DOLK: variants seen among roughly 807,000 people sequenced by gnomAD.
The protein encoded by DOLK is SEC59 homolog.
Under a neutral mutation model 31.7 loss-of-function variants are expected in DOLK, and 20 were observed. The ratio of observed to expected loss-of-function variants is 0.63; its 90% CI spans 0.44 to 0.92. The LOEUF is 0.92. Among genes scored for constraint, DOLK ranks in the 40% least tolerant of loss-of-function variants. The pLI is 0.00. For missense variants in DOLK, 594 were observed against 680.7 expected, an observed-to-expected ratio of 0.87 and a Z score of 1.42; for synonymous variants, 309 against 287.0, an observed-to-expected ratio of 1.08 and a Z score of -0.77.
rs776924458 is a variant in DOLK at position 128,946,566 on chromosome 9, G to A, written c.738C>T (p.Val246=). 1.2e-6 allele frequency: 2 copies of A among 1,613,966 alleles called. No individual in the cohort carries two copies. The highest frequency in any genetic ancestry group is 2.7e-5 in the African/African-American group (2 of 74,886). The stretch of plus-strand genomic sequence containing the variant: ...AGGCCCAGGTGCCTGAGTCCATGAA[G>A]ACAAACAGAGTGCTGAAGAAAATGC... ...LMGIFFSTLF[V]FMDSGTWASS... is the part of the protein sequence containing the mutation. Residue 246 remains valine, a synonymous_variant, in exon 1 of 1, where the codon GTC becomes GTT. Transcript: ENST00000372586.
chr9:128,945,704 T>C lies in DOLK; in HGVS notation c.1600A>G (p.Ile534Val). 1.9e-6 allele frequency: 3 copies of C among 1,614,018 alleles called. No homozygotes were observed. Among genetic ancestry groups the C allele is most frequent in the Admixed American group, 3.3e-5 (2 of 59,996 alleles). ...TGTAACAGCTAGGCCATCAGCAATA[T>C]CAGGAGGTAGAGAGGCAGAAGGAGA... ...DNLLLPLYLL[I>V]LLMA Residue 534 changes from isoleucine to valine, a missense_variant, in exon 1 of 1, where the codon ATA (isoleucine) becomes GTA (valine). By Grantham distance (29) the Ile-to-Val change is conservative. Coordinates refer to ENST00000372586, the MANE Select transcript of DOLK (RefSeq NM_014908.4).
In DOLK at chr9:128,947,205, G is replaced by C; in HGVS notation, c.99C>G (p.Ser33Arg). 3.7e-6 allele frequency: 6 copies of C among 1,612,968 alleles called. No homozygotes were observed. The highest frequency in any genetic ancestry group is 5.1e-6 in the Non-Finnish European group (6 of 1,180,006). Residue 33 changes from serine to arginine, a missense_variant, in exon 1 of 1, where the codon AGC becomes AGG. Physicochemically the swap from Ser to Arg is moderately radical, Grantham distance 110. Coordinates refer to ENST00000372586, the MANE Select transcript of DOLK (RefSeq NM_014908.4). ...ATCGGTCCCATACGGTTGCGTGGAT[G>C]CTCAGCACCACTGCAAACACTACTG... is the stretch of plus-strand genomic sequence containing the variant. ...EAAVVFAVVL[S>R]IHATVWDRYS... is the part of the protein sequence containing the mutation.
chr9:128,945,582 T>C lies in DOLK; in HGVS notation c.*105A>G, dbSNP rs527460417. On this transcript the variant is annotated 3_prime_UTR_variant, in exon 1 of 1. Coordinates refer to ENST00000372586, the MANE Select transcript of DOLK (RefSeq NM_014908.4). The stretch of plus-strand genomic sequence containing the variant: ...TCTGAATCAACTGAAAAATCAAATC[T>C]GCTTTTCACACCTTGGCTCTTCATG... 69 of 1,375,824 alleles carry C rather than the reference T, an allele frequency of 5.0e-5. No individual in the cohort carries two copies. The African/African-American group carries it at 8.5e-4, about 17-fold the overall frequency. The allele number at this position is 1,375,824 out of a possible 1,614,324, so 85.2% of individuals were successfully genotyped here.
rs906514902 is a variant in DOLK at position 128,945,558 on chromosome 9, C to A, written c.*129G>T. ...GAGAGCTTTGCTTTTTATTTTAAAT[C>A]TGAATCAACTGAAAAATCAAATCTG... On this transcript the variant is annotated 3_prime_UTR_variant, in exon 1 of 1. Coordinates refer to ENST00000372586, the MANE Select transcript of DOLK (RefSeq NM_014908.4). 4 of 1,158,792 alleles carry A rather than the reference C, an allele frequency of 3.5e-6. No individual in the cohort carries two copies. Among genetic ancestry groups the A allele is most frequent in the Admixed American group, 1.7e-5 (1 of 57,244 alleles). 71.8% of individuals were successfully genotyped at this position (1,158,792 alleles called of 1,614,324 possible). A position where few individuals can be genotyped will look rare whatever the true frequency, so the allele number is the denominator to read the frequency against.
Position 128,946,074 on chromosome 9 carries a change from G to T in DOLK, c.1230C>A (p.Tyr410Ter). The T allele has an allele frequency of 6.2e-7, 1 of 1,614,158 alleles. No individual in the cohort carries two copies. Among genetic ancestry groups the T allele is most frequent in the South Asian group, 1.1e-5 (1 of 91,090 alleles). ...DSGPLILTHI[Y>*]LLLGMSLPIW... is the part of the protein sequence containing the mutation. ...TGGGAAGAGACATGCCCAGGAGCAG[G>T]TAGATGTGTGTCAGAATGAGTGGTC... The change falls in exon 1 of 1, where the codon TAC becomes TAA. Residue 410 changes from tyrosine (Y) to a stop codon, truncating the protein, a stop_gained. Transcript: ENST00000372586. LOFTEE classifies it high-confidence loss of function.
At position 128,945,992 on chromosome 9, in the gene DOLK, G is replaced by A. The variant is rs112448460; in HGVS notation, c.1312C>T (p.Leu438Phe). 3.7e-6 allele frequency: 6 copies of A among 1,614,194 alleles called. No individual in the cohort carries two copies. Among genetic ancestry groups the A allele is most frequent in the Non-Finnish European group, 8.5e-7 (1 of 1,180,040 alleles). Reference protein sequence around the residue: ...QKGSLGGARALVPYAGVLAVG... With the variant: ...QKGSLGGARAFVPYAGVLAVG... Reference sequence around the variant, plus strand: ...GCCAGGACACCGGCATAGGGGACGAGGGCCCTGGCTCCTCCCAGGCTACCC... The same window carrying A: ...GCCAGGACACCGGCATAGGGGACGAAGGCCCTGGCTCCTCCCAGGCTACCC... The change falls in exon 1 of 1, where the codon CTC becomes TTC. Residue 438 changes from leucine (L) to phenylalanine (F), a missense_variant. Transcript: ENST00000372586.
chr9:128,947,422 CGT>C lies in DOLK; in HGVS notation c.-121_-120del. 7.6e-7 allele frequency: 1 copy of C among 1,322,834 alleles called. No individual in the cohort carries two copies. The highest frequency in any genetic ancestry group is 1.1e-6 in the Non-Finnish European group (1 of 939,626). 81.9% of individuals were successfully genotyped at this position (1,322,834 alleles called of 1,614,324 possible). A position where few individuals can be genotyped will look rare whatever the true frequency, so the allele number is the denominator to read the frequency against. On this transcript the variant is annotated 5_prime_UTR_variant, in exon 1 of 1. Transcript: ENST00000372586. Reference sequence around the variant, plus strand: ...CACCCGGCCAGCAACCTTCTCCCTCCGTTCTCCAGCAGCGAGGAGGGAACTCC... The same window carrying C: ...CACCCGGCCAGCAACCTTCTCCCTCCTCTCCAGCAGCGAGGAGGGAACTCC...
rs1841684203 is a variant in DOLK, at chr9:128,947,011, C to T, written c.293G>A (p.Arg98Gln). 1.2e-6 allele frequency: 2 copies of T among 1,611,008 alleles called. No individual in the cohort carries two copies. The highest frequency in any genetic ancestry group is 1.7e-6 in the Non-Finnish European group (2 of 1,179,914). ...MPLLGLVMKE[R>Q]CQTAGNPFFE... ...GAACGGGTTCCCAGCAGTCTGGCAC[C>T]GCTCCTTCATGACTAGTCCAAGCAA... Residue 98 changes from arginine (R) to glutamine (Q), a missense_variant, in exon 1 of 1, where the codon CGG (arginine) becomes CAG (glutamine). Arg to Gln is a conservative substitution (Grantham distance 43). Coordinates refer to ENST00000372586, the MANE Select transcript of DOLK (RefSeq NM_014908.4).
In DOLK at chr9:128,946,773, G is replaced by A; in HGVS notation, c.531C>T (p.Leu177=). The A allele has an allele frequency of 6.2e-7, 1 of 1,613,978 alleles. No homozygotes were observed. The highest frequency in any genetic ancestry group is 1.1e-5 in the South Asian group (1 of 91,080). ...VLEVLLIFVY[L]NMILLYLLPR... The stretch of plus-strand genomic sequence containing the variant: ...GCAGCAGGTACAGCAGGATCATGTT[G>A]AGATAAACGAAGATCAGAAGGACTT... Residue 177 remains leucine, a synonymous_variant, in exon 1 of 1, where the codon CTC becomes CTT. Transcript: ENST00000372586.
rs1841645526 is a variant in DOLK, at chr9:128,945,567, C to T, written c.*120G>A. ...GCTTTTTATTTTAAATCTGAATCAA[C>T]TGAAAAATCAAATCTGCTTTTCACA... On this transcript the variant is annotated 3_prime_UTR_variant, in exon 1 of 1. Transcript: ENST00000372586. 8.1e-7 allele frequency: 1 copy of T among 1,238,396 alleles called. No homozygotes were observed. The highest frequency in any genetic ancestry group is 1.7e-5 in the Admixed American group (1 of 58,740). The allele number at this position is 1,238,396 out of a possible 1,614,324, so 76.7% of individuals were successfully genotyped here.
rs749036775 is a variant in DOLK at position 128,946,645 on chromosome 9, C to A, written c.659G>T (p.Gly220Val). 1 of 1,614,074 alleles carries A rather than the reference C, an allele frequency of 6.2e-7. No homozygotes were observed. Among genetic ancestry groups the A allele is most frequent in the Non-Finnish European group, 8.5e-7 (1 of 1,180,010 alleles). ...CAGCAGGAAGAAGTCCACTGGGTCC[C>A]CCTGACTTTCCACCAGTGTCAGAGA... is the stretch of plus-strand genomic sequence containing the variant. ...KRSLTLVESQ[G>V]DPVDFFLLVV... The change falls in exon 1 of 1, where the codon GGG (glycine) becomes GTG (valine). Residue 220 changes from glycine (G) to valine (V), a missense_variant. Physicochemically the swap from Gly to Val is moderately radical, Grantham distance 109. Transcript: ENST00000372586.
In DOLK at chr9:128,945,940, G is replaced by C; in HGVS notation, c.1364C>G (p.Ser455Cys). The change falls in exon 1 of 1, where the codon TCC becomes TGC. Residue 455 changes from serine (S) to cysteine (C), a missense_variant. By Grantham distance (112) the Ser-to-Cys change is moderately radical. Coordinates refer to ENST00000372586, the MANE Select transcript of DOLK (RefSeq NM_014908.4). ...CTCCCCCATGGTGCTACCGAAGATGGAGGCCACAGTATCACCCACACCCAC... is the reference window on the plus strand; with the variant it reads ...CTCCCCCATGGTGCTACCGAAGATGCAGGCCACAGTATCACCCACACCCAC... ...LAVGVGDTVA[S>C]IFGSTMGEIR... 1 of 1,614,192 alleles carries C rather than the reference G, an allele frequency of 6.2e-7. No individual in the cohort carries two copies. Among genetic ancestry groups the C allele is most frequent in the Non-Finnish European group, 8.5e-7 (1 of 1,180,044 alleles).
chr9:128,947,430 A>C lies in DOLK; in HGVS notation c.-127T>G. ...CAGCAACCTTCTCCCTCCGTTCTCC[A>C]GCAGCGAGGAGGGAACTCCACCGCA... On this transcript the variant is annotated 5_prime_UTR_variant, in exon 1 of 1. Coordinates refer to ENST00000372586, the MANE Select transcript of DOLK (RefSeq NM_014908.4). The C allele has an allele frequency of 7.9e-7, 1 of 1,261,698 alleles. No homozygotes were observed. The highest frequency in any genetic ancestry group is 2.5e-5 in the East Asian group (1 of 39,654). The allele number at this position is 1,261,698 out of a possible 1,614,324, so 78.2% of individuals were successfully genotyped here.
In DOLK at chr9:128,947,060, A is replaced by G. The variant is rs1588262895; in HGVS notation, c.244T>C (p.Leu82=). The change falls in exon 1 of 1, where the codon TTG becomes CTG. Residue 82 remains leucine, a synonymous_variant. Transcript: ENST00000372586. ...AAAGGCATGACCATGGAGGCGGGCA[A>G]TAGGCCACTGTTTGCGGACATTCGG... ...QFRMSANSGL[L]PASMVMPLLG... The G allele has an allele frequency of 1.2e-6, 2 of 1,613,864 alleles. No individual in the cohort carries two copies. The highest frequency in any genetic ancestry group is 1.1e-5 in the South Asian group (1 of 91,080).
rs531714647 is a variant in DOLK, at chr9:128,946,380, G to A, written c.924C>T (p.Ala308=). ...ACAGCACCACCAGGCAGGCCAAGGT[G>A]GCCAGCAGAGACCAATAGGCTAGGA... ...IYLLAYWSLL[A]TLACLVVLYQ... is the part of the protein sequence containing the mutation. Residue 308 remains alanine, a synonymous_variant, in exon 1 of 1, where the codon GCC becomes GCT. Coordinates refer to ENST00000372586, the MANE Select transcript of DOLK (RefSeq NM_014908.4). 25 of 1,614,096 alleles carry A rather than the reference G, an allele frequency of 1.5e-5. No individual in the cohort carries two copies. The East Asian group carries it at 5.1e-4, about 33-fold the overall frequency.
Position 128,945,765 on chromosome 9 carries a change from C to G in DOLK, c.1539G>C (p.Val513=), listed in dbSNP as rs752312814. 6.2e-7 allele frequency: 1 copy of G among 1,614,198 alleles called. No homozygotes were observed. Among genetic ancestry groups the G allele is most frequent in the Non-Finnish European group, 8.5e-7 (1 of 1,180,046 alleles). ...YAWILGSIST[V]SLLEAYTTQI... Reference sequence around the variant, plus strand: ...GTGTAGTGTATGCTTCCAGGAGGGACACAGTGCTGATGGACCCCAAAATCC... The same window carrying G: ...GTGTAGTGTATGCTTCCAGGAGGGAGACAGTGCTGATGGACCCCAAAATCC... Residue 513 remains valine, a synonymous_variant, in exon 1 of 1, where the codon GTG becomes GTC. Transcript: ENST00000372586.
rs1172074842 is a variant in DOLK at position 128,946,334 on chromosome 9, A to G, written c.970T>C (p.Ser324Pro). Residue 324 changes from serine (S) to proline (P), a missense_variant, in exon 1 of 1, where the codon TCT (serine) becomes CCT (proline). Physicochemically the swap from Ser to Pro is moderately conservative, Grantham distance 74 (BLOSUM62 -1). Coordinates refer to ENST00000372586, the MANE Select transcript of DOLK (RefSeq NM_014908.4). The stretch of plus-strand genomic sequence containing the variant: ...GCCTGGTGCTTCTTGGACTCGGAAG[A>G]TGACCGCTTGGCATTCTGGTACAGC... ...VVLYQNAKRS[S>P]SESKKHQAPT... is the part of the protein sequence containing the mutation. The G allele has an allele frequency of 6.2e-7, 1 of 1,614,090 alleles. No individual in the cohort carries two copies. Among genetic ancestry groups the G allele is most frequent in the Admixed American group, 1.7e-5 (1 of 60,010 alleles).
Position 128,947,421 on chromosome 9 carries a change from C to G in DOLK, c.-118G>C, listed in dbSNP as rs1841694968. On this transcript the variant is annotated 5_prime_UTR_variant, in exon 1 of 1. Coordinates refer to ENST00000372586, the MANE Select transcript of DOLK (RefSeq NM_014908.4). ...TCACCCGGCCAGCAACCTTCTCCCTCCGTTCTCCAGCAGCGAGGAGGGAAC... is the reference window on the plus strand; with the variant it reads ...TCACCCGGCCAGCAACCTTCTCCCTGCGTTCTCCAGCAGCGAGGAGGGAAC... 3.7e-6 allele frequency: 5 copies of G among 1,340,346 alleles called. No individual in the cohort carries two copies. Among genetic ancestry groups the G allele is most frequent in the African/African-American group, 1.4e-5 (1 of 69,066 alleles). 83.0% of individuals were successfully genotyped at this position (1,340,346 alleles called of 1,614,324 possible). A position where few individuals can be genotyped will look rare whatever the true frequency, so the allele number is the denominator to read the frequency against.
At position 128,946,395 on chromosome 9, in the gene DOLK, A is replaced by G. The variant is rs1244007975; in HGVS notation, c.909T>C (p.Tyr303=). 3 of 1,613,922 alleles carry G rather than the reference A, an allele frequency of 1.9e-6. No individual in the cohort carries two copies. Among genetic ancestry groups the G allele is most frequent in the East Asian group, 2.2e-5 (1 of 44,894 alleles). Reference sequence around the variant, plus strand: ...AGGCCAAGGTGGCCAGCAGAGACCAATAGGCTAGGAGGTAGATGCGGGTGT... The same window carrying G: ...AGGCCAAGGTGGCCAGCAGAGACCAGTAGGCTAGGAGGTAGATGCGGGTGT... The part of the protein sequence containing the change: ...QTDTRIYLLA[Y]WSLLATLACL... Residue 303 remains tyrosine (Y), a synonymous_variant, in exon 1 of 1, where the codon TAT becomes TAC. Transcript: ENST00000372586.
Sources: allele counts gnomAD v4.1 joint callset, GRCh38; gene constraint gnomAD v4.1.1; transcripts MANE v1.5; gene names NCBI Gene and HGNC (gene_info 2026-07-23, HGNC 2026-07-21).